The following UPF2 variants were observed in gnomAD, a reference collection of about 807,000 sequenced individuals.
UPF2 encodes regulator of nonsense transcripts 2.
In UPF2, 17 loss-of-function variants were observed where a neutral mutation model predicts 141.4. That is an observed-to-expected ratio of 0.12 (90% CI 0.08 to 0.18). The LOEUF is 0.18. UPF2 is among the 10% of genes least tolerant of loss of function. The pLI, the probability that UPF2 is intolerant of heterozygous loss-of-function variation, is 1.00. For missense variants in UPF2, 1,152 were observed against 1,515.9 expected (o/e 0.76, Z 3.99); for synonymous variants, 540 against 498.0 (o/e 1.08, Z -1.12).
chr10:11,985,413 G>A (rs1050321182), intron 8 of UPF2, among the ~76,000 whole-genome samples: 4 of 152,032 alleles, frequency 2.6e-5, no homozygotes, highest in Non-Finnish European at 4.4e-5. Context: ...AGAGGCTGGC[G>A]GATCACGAGG....
rs1832889729 is a variant in UPF2 at position 11,938,853 on chromosome 10, G to GTTTTGTTTTTTTTTTT, written c.3379-2142_3379-2141insAAAAAAAAAAACAAAA. On this transcript the variant is annotated intron_variant, in intron 18 of 21. Transcript: ENST00000357604. Reference sequence around the variant, plus strand: ...GTGGTCTTAAGCAAGTTTTTTTTTTGTTTTTTTTTTTTTTTTTTTTTTTTT... The same window carrying GTTTTGTTTTTTTTTTT: ...GTGGTCTTAAGCAAGTTTTTTTTTTGTTTTGTTTTTTTTTTTTTTTTTTTTTTTTTTTTTTTTTTTT... Among the ~76,000 whole-genome samples, 5 of 79,832 alleles carry GTTTTGTTTTTTTTTTT rather than the reference G, an allele frequency of 6.3e-5. No homozygotes were observed. In the East Asian group the frequency reaches 1.4e-3, roughly 23 times the overall value. The allele number at this position is 79,832 out of a possible 152,430, so 52.4% of individuals were successfully genotyped here.
chr10:11,966,789 G>A (rs746771587), intron 10 of UPF2, among the ~76,000 whole-genome samples: 8 of 152,136 alleles, frequency 5.3e-5, no homozygotes, highest in African/African-American at 1.7e-4. Flanking sequence ...ATTACCCCTT[G>A]GAAGACTGTG....
At chr10:11,924,316 A>T (rs1243095024) in intron 21 of UPF2, among the ~76,000 whole-genome samples, 2 of 152,194 alleles carry the variant, frequency 1.3e-5, no homozygotes, top group East Asian at 3.8e-4. Flanking sequence ...GGTGGCTGAC[A>T]CCTATAATCC....
chr10:11,988,571 T>C (rs1300166290), intron 8 of UPF2, among the ~76,000 whole-genome samples: 4 of 152,126 alleles, frequency 2.6e-5, no homozygotes, highest in African/African-American at 7.2e-5. Flanking sequence ...TCCAAAAGTG[T>C]TGGGATTACA....
At chr10:11,926,896 C>T (rs549071432) in intron 21 of UPF2, among the ~76,000 whole-genome samples, 4 of 152,322 alleles carry the variant, frequency 2.6e-5, no homozygotes, top group Non-Finnish European at 5.9e-5. Context: ...TGACTAACAC[C>T]GGTAACCAGG....
At chr10:11,996,462 C>G (rs936679100) in intron 8 of UPF2, among the ~76,000 whole-genome samples, 5 of 152,052 alleles carry the variant, frequency 3.3e-5, no homozygotes, top group African/African-American at 1.2e-4. Flanking sequence ...GTTCTCCTGC[C>G]ATGGCCTCAT....
chr10:11,961,254 T>A (rs1833236348), intron 11 of UPF2, among the ~76,000 whole-genome samples: 1 of 152,034 alleles, frequency 6.6e-6, no homozygotes, highest in South Asian at 2.1e-4. Flanking sequence ...CAACTACTAT[T>A]CTTTTCAATA....
At chr10:11,960,288 T>C (rs1370598013) in intron 11 of UPF2, among the ~76,000 whole-genome samples, 1 of 152,216 alleles carries the variant, frequency 6.6e-6, no homozygotes, top group Non-Finnish European at 1.5e-5. Context: ...GGCTCAAGCC[T>C]ATAATCCTAG....
intron 4 of UPF2, among the ~76,000 whole-genome samples, chr10:12,010,342 A>G (rs568869429): frequency 4.6e-5 from 7 of 152,352 alleles, no homozygotes; most frequent in African/African-American, 1.4e-4. Context: ...ATTTGTAGAC[A>G]AGGACTTTAA....
chr10:12,021,443 G>A (rs1834316472), intron 3 of UPF2, among the ~76,000 whole-genome samples: 1 of 152,116 alleles, frequency 6.6e-6, no homozygotes, highest in Non-Finnish European at 1.5e-5. Context: ...GGAGGCTGAG[G>A]TGGGAGATAG....
intron 1 of UPF2, among the ~76,000 whole-genome samples, chr10:12,037,558 GCT>G (rs1834654877): frequency 6.6e-6 from 1 of 151,712 alleles, no homozygotes. Flanking sequence ...ATCACACTCA[GCT>G]AATTTTTGTA....
At chr10:12,003,369 A>G (rs1833983146) in intron 5 of UPF2, among the ~76,000 whole-genome samples, 1 of 152,224 alleles carries the variant, frequency 6.6e-6, no homozygotes, top group Admixed American at 6.5e-5. Flanking sequence ...TTAAACTAAT[A>G]TGCATAAGGT....
chr10:11,999,851 G>A (rs56320211), intron 7 of UPF2, 55 bp downstream of exon 7: 1 of 1,373,604 alleles, frequency 7.3e-7, no homozygotes, highest in Non-Finnish European at 1.0e-6. Flanking sequence ...TTCCTTATCA[G>A]AGGACTCCTA....
rs151306767 is a variant in UPF2, at chr10:12,039,517, T to C, written c.-19+3238A>G. On this transcript the variant is annotated intron_variant, in intron 1 of 21. Coordinates refer to ENST00000357604, the MANE Select transcript of UPF2 (RefSeq NM_015542.4). ...AATCATTAAGTGAAAAAAGTTTATATAGATTTCACATTTTCTGATGTGACG... is the reference window on the plus strand; with the variant it reads ...AATCATTAAGTGAAAAAAGTTTATACAGATTTCACATTTTCTGATGTGACG... Among the ~76,000 whole-genome samples the C allele has an allele frequency of 1.6e-3, 246 of 152,288 alleles. 1 individual carries two copies. Among genetic ancestry groups the C allele is most frequent in the African/African-American group, 5.3e-3 (219 of 41,574 alleles).
rs377528589 is a variant in UPF2 at position 11,929,971 on chromosome 10, G to C, written c.3703C>G (p.Leu1235Val). The C allele has an allele frequency of 4.3e-6, 7 of 1,614,214 alleles. No individual in the cohort carries two copies. The highest frequency in any genetic ancestry group is 1.3e-5 in the African/African-American group (1 of 75,072). ...TTTGCTGGAGCTGGGCGCTGTGCAAGAGACTGCAACATTTCTGTAATTAGG... is the reference window on the plus strand; with the variant it reads ...TTTGCTGGAGCTGGGCGCTGTGCAACAGACTGCAACATTTCTGTAATTAGG... ...QEDYQEMLQS[L>V]AQRPAPANTN... The change falls in exon 21 of 22, where the codon CTT (leucine) becomes GTT (valine). Residue 1235 changes from leucine to valine, a missense_variant. This residue lies in a region of UPF2 where 66 missense variants were observed against 123.5 expected (regional missense o/e 0.53). Coordinates refer to ENST00000357604, the MANE Select transcript of UPF2 (RefSeq NM_015542.4).
chr10:12,027,668 G>A (rs540670911), intron 3 of UPF2, among the ~76,000 whole-genome samples: 5 of 152,220 alleles, frequency 3.3e-5, no homozygotes, highest in Admixed American at 1.3e-4. Flanking sequence ...CACCTTTGCC[G>A]TCTTAAATTC....
At chr10:11,982,724 G>A (rs773741733) in intron 8 of UPF2, among the ~76,000 whole-genome samples, 18 of 151,986 alleles carry the variant, frequency 1.2e-4, no homozygotes, top group Non-Finnish European at 1.8e-4. Flanking sequence ...CCTCCCAAGC[G>A]ATTCTCCTGC....
At chr10:11,938,853 GTTT>G (rs58106776) in intron 18 of UPF2, among the ~76,000 whole-genome samples, 16 of 79,826 alleles carry the variant, frequency 2.0e-4, no homozygotes, top group East Asian at 1.1e-3. Context: ...TTTTTTTTTT[GTTT>G]TTTTTTTTTT....
intron 16 of UPF2, 81 bp from the exon 17 acceptor site, chr10:11,943,249 C>A: frequency 1.7e-6 from 2 of 1,190,684 alleles, no homozygotes; most frequent in South Asian, 1.3e-5. Flanking sequence ...GATTTCAAAA[C>A]TTCTGTATAA....
Sources: gnomAD v4.1 joint callset for allele counts (sites outside exome capture counted in the v4.1 genomes callset) on GRCh38, gnomAD v4.1.1 for gene constraint, gnomAD v4.1.1 regional missense constraint, MANE v1.5 for transcripts, NCBI Gene and HGNC (gene_info 2026-07-23, HGNC 2026-07-21) for gene names.